Variants in SAMSN1 observed in about 807,000 individuals in gnomAD.
SAMSN1 encodes SAM domain, SH3 domain and nuclear localization signals 1.
SAMSN1 carries 31 observed loss-of-function variants against 42.0 expected under a neutral mutation model. The ratio of observed to expected loss-of-function variants is 0.74; its 90% CI spans 0.55 to 1.00. SAMSN1 has a LOEUF of 1.00. SAMSN1 is among the 50% of genes least tolerant of loss of function. The pLI, the probability that SAMSN1 is intolerant of heterozygous loss-of-function variation, is 0.00. For synonymous variants in SAMSN1, 178 were observed against 151.9 expected (o/e 1.17, Z -1.26); for missense variants, 464 against 439.4 (o/e 1.06, Z -0.50).
chr21:14,525,368 A>G (rs1978775900), intron 1 of SAMSN1, among the ~76,000 whole-genome samples: 2 of 152,242 alleles, frequency 1.3e-5, no homozygotes, highest in Admixed American at 1.3e-4. Context: ...CCAAGAAGAT[A>G]CAGTCAGTCG....
At chr21:14,503,430 G>C (rs2123698130) in intron 5 of SAMSN1, among the ~76,000 whole-genome samples, 1 of 152,294 alleles carries the variant, frequency 6.6e-6, no homozygotes, top group South Asian at 2.1e-4. Flanking sequence ...AGTGAACTCA[G>C]AAGAGAACCC....
At chr21:14,551,905 T>C (rs965478550) in intron 2 of SAMSN1, among the ~76,000 whole-genome samples, 1 of 152,044 alleles carries the variant, frequency 6.6e-6, no homozygotes, top group Non-Finnish European at 1.5e-5. Context: ...TAACCATCAC[T>C]CTATGTCATA....
chr21:14,501,196 T>C (rs1987139610), intron 5 of SAMSN1, among the ~76,000 whole-genome samples: 2 of 152,184 alleles, frequency 1.3e-5, no homozygotes, highest in Admixed American at 6.5e-5. Flanking sequence ...ACTTCAACAT[T>C]CTTGACAAAA....
At chr21:14,558,191 C>T (rs908978896) in intron 2 of SAMSN1, among the ~76,000 whole-genome samples, 24 of 152,080 alleles carry the variant, frequency 1.6e-4, no homozygotes, top group African/African-American at 5.6e-4. Flanking sequence ...ATAAACGAAT[C>T]GTCTCAACTG....
intron 7 of SAMSN1, among the ~76,000 whole-genome samples, chr21:14,498,030 T>C (rs904422919): frequency 6.6e-6 from 1 of 152,220 alleles, no homozygotes; most frequent in Non-Finnish European, 1.5e-5. Flanking sequence ...AAATGAGTTT[T>C]CCTGTGTGCC....
intron 7 of SAMSN1, among the ~76,000 whole-genome samples, chr21:14,486,880 A>G (rs1196647212): frequency 6.6e-6 from 1 of 152,198 alleles, no homozygotes; most frequent in African/African-American, 2.4e-5. Context: ...TTTTAGAAAA[A>G]GATTACTATT....
chr21:14,570,058 C>T (rs1344918678), intron 2 of SAMSN1, among the ~76,000 whole-genome samples: 1 of 151,880 alleles, frequency 6.6e-6, no homozygotes, highest in African/African-American at 2.4e-5. Context: ...TGGGTTCACA[C>T]AGAAAATATT....
intron 1 of SAMSN1, among the ~76,000 whole-genome samples, chr21:14,653,476 G>T (rs1983866609): frequency 6.6e-6 from 1 of 152,012 alleles, no homozygotes; most frequent in Non-Finnish European, 1.5e-5. Context: ...ATTGAGATTA[G>T]AAGGATGGTT....
At chr21:14,594,628 T>G (rs1982202133) in intron 6 of SAMSN1, 1 of 152,212 alleles carries the variant, frequency 6.6e-6, no homozygotes, top group Non-Finnish European at 1.5e-5. Flanking sequence ...AGTGTAACCT[T>G]CTAACTGTCA....
intron 2 of SAMSN1, among the ~76,000 whole-genome samples, chr21:14,630,090 G>A (rs1010622030): frequency 6.6e-6 from 1 of 152,104 alleles, no homozygotes; most frequent in African/African-American, 2.4e-5. Context: ...TAGGAAATCC[G>A]ATGGGTAAAA....
intron 1 of SAMSN1, among the ~76,000 whole-genome samples, chr21:14,656,979 A>G (rs1176136642): frequency 1.3e-5 from 2 of 151,690 alleles, no homozygotes; most frequent in Non-Finnish European, 2.9e-5. Context: ...TCTTAAATGC[A>G]GTGTCCCATA....
intron 6 of SAMSN1, among the ~76,000 whole-genome samples, chr21:14,597,030 T>C (rs965713352): frequency 2.6e-5 from 4 of 152,188 alleles, no homozygotes; most frequent in African/African-American, 9.7e-5. Flanking sequence ...GAAACATTGA[T>C]CAATACACAA....
chr21:14,646,579 A>G (rs1275306281), intron 1 of SAMSN1, among the ~76,000 whole-genome samples: 1 of 152,192 alleles, frequency 6.6e-6, no homozygotes, highest in Non-Finnish European at 1.5e-5. Flanking sequence ...CTGAAGGTAC[A>G]AAACTCACTG....
chr21:14,612,672 G>T, intron 4 of SAMSN1: 1 of 632,098 alleles, frequency 1.6e-6, no homozygotes, highest in Non-Finnish European at 3.0e-6. Flanking sequence ...GGAAAATATT[G>T]CAAATAAATC....
At chr21:14,544,031 A>G (rs1980219780) in intron 1 of SAMSN1, among the ~76,000 whole-genome samples, 1 of 152,190 alleles carries the variant, frequency 6.6e-6, no homozygotes, top group Admixed American at 6.6e-5. Flanking sequence ...TGTAGGGATT[A>G]TCACAGCATC....
chr21:14,541,560 C>T (rs1314030737), intron 1 of SAMSN1, among the ~76,000 whole-genome samples: 1 of 151,994 alleles, frequency 6.6e-6, no homozygotes, highest in Non-Finnish European at 1.5e-5. Flanking sequence ...AATTATACTT[C>T]GTGTTAATGT....
At chr21:14,657,529 A>G (rs985216974) in intron 1 of SAMSN1, among the ~76,000 whole-genome samples, 1 of 151,896 alleles carries the variant, frequency 6.6e-6, no homozygotes, top group Non-Finnish European at 1.5e-5. Flanking sequence ...TTATAGAAAC[A>G]TTAGCATACT....
chr21:14,553,577 T>A (rs1001498911), intron 2 of SAMSN1, among the ~76,000 whole-genome samples: 11 of 152,202 alleles, frequency 7.2e-5, no homozygotes, highest in Non-Finnish European at 5.9e-5. Flanking sequence ...TTTCTTTTTG[T>A]CTGTTCTCTC....
rs558453986 is a variant in SAMSN1, at chr21:14,621,444, C to T, written c.157-5428G>A. Among the ~76,000 whole-genome samples the T allele has an allele frequency of 2.6e-5, 4 of 152,288 alleles. No individual in the cohort carries two copies. The South Asian group carries it at 8.3e-4, about 32-fold the overall frequency. On this transcript the variant is annotated intron_variant, in intron 2 of 15. Coordinates refer to the SAMSN1 transcript ENST00000647101. The stretch of plus-strand genomic sequence containing the variant: ...ACCTGGAAAATCGGGTCACTCCCAC[C>T]CTAATACTGCACTTTTCCAACAGTC...
Sources: allele counts gnomAD v4.1 joint callset (sites outside exome capture counted in the v4.1 genomes callset), GRCh38; gene constraint gnomAD v4.1.1; transcripts MANE v1.5; gene names NCBI Gene and HGNC (gene_info 2026-07-23, HGNC 2026-07-21).